QKI: variants seen among roughly 807,000 people sequenced by gnomAD.
The protein encoded by QKI is QKI, KH domain containing RNA binding, also known as KH domain-containing RNA-binding protein QKI.
QKI carries 10 observed loss-of-function variants against 39.0 expected under a neutral mutation model. That is an observed-to-expected ratio of 0.26 (90% CI 0.16 to 0.43). The LOEUF (loss-of-function observed/expected upper bound fraction) is 0.43. QKI is among the 20% of genes least tolerant of loss of function. The pLI is 1.00. For missense variants in QKI, 218 were observed against 428.0 expected (o/e 0.51, Z 4.33); for synonymous variants, 204 against 155.4 (o/e 1.31, Z -2.33).
intron 3 of QKI, among the ~76,000 whole-genome samples, chr6:163,524,699 T>G (rs1036400724): frequency 6.6e-6 from 1 of 152,116 alleles, no homozygotes; most frequent in Non-Finnish European, 1.5e-5. Flanking sequence ...ACTCCCGACC[T>G]CAGGTGATCT....
intron 4 of QKI, among the ~76,000 whole-genome samples, chr6:163,557,964 A>G (rs1236709907): frequency 6.6e-6 from 1 of 152,212 alleles, no homozygotes; most frequent in East Asian, 1.9e-4. Context: ...ATTGCGGATA[A>G]TCACTTGAGT....
At chr6:163,463,431 C>G (rs1376450502) in intron 2 of QKI, among the ~76,000 whole-genome samples, 1 of 152,162 alleles carries the variant, frequency 6.6e-6, no homozygotes, top group Non-Finnish European at 1.5e-5. Context: ...ACACTCAAAA[C>G]ATACTGCAGC....
At chr6:163,428,455 G>A (rs1469516975) in intron 1 of QKI, among the ~76,000 whole-genome samples, 1 of 152,090 alleles carries the variant, frequency 6.6e-6, no homozygotes, top group African/African-American at 2.4e-5. Flanking sequence ...AAGAAAATGT[G>A]TCATAGTTTA....
At chr6:163,421,879 GGATTACA>G (rs1251931576) in intron 1 of QKI, among the ~76,000 whole-genome samples, 2 of 151,760 alleles carry the variant, frequency 1.3e-5, no homozygotes, top group African/African-American at 4.8e-5. Context: ...CGAGTAGCTG[GGATTACA>G]GGCGCCCGCC....
chr6:163,531,756 C>T (rs1420989315), intron 3 of QKI, among the ~76,000 whole-genome samples: 3 of 152,182 alleles, frequency 2.0e-5, no homozygotes, highest in East Asian at 1.9e-4. Context: ...CTTCCTGCCT[C>T]GGCCCCCCCA....
intron 3 of QKI, among the ~76,000 whole-genome samples, chr6:163,496,097 AT>A (rs1778388148): frequency 6.6e-6 from 1 of 152,138 alleles, no homozygotes; most frequent in African/African-American, 2.4e-5. Flanking sequence ...ATTGTCTGAC[AT>A]TTCTAATAGG....
intron 4 of QKI, among the ~76,000 whole-genome samples, chr6:163,555,679 A>G (rs1305547196): frequency 6.6e-6 from 1 of 152,138 alleles, no homozygotes; most frequent in African/African-American, 2.4e-5. Context: ...TTTGCAAGCA[A>G]GGTTGCTCAT....
At position 163,576,670 on chromosome 6, in the gene QKI, A is replaced by G. The variant is rs1177190032; in HGVS notation, c.*5960A>G. The G allele has an allele frequency of 6.6e-6, 1 of 152,158 alleles. No individual in the cohort carries two copies. Among genetic ancestry groups the G allele is most frequent in the Non-Finnish European group, 1.5e-5 (1 of 68,020 alleles). The allele number at this position is 152,158 out of a possible 1,614,324, so 9.4% of individuals were successfully genotyped here. A position where few individuals can be genotyped will look rare whatever the true frequency, so the allele number is the denominator to read the frequency against. On this transcript the variant is annotated 3_prime_UTR_variant, in exon 8 of 8. Coordinates refer to ENST00000361752, the MANE Select transcript of QKI (RefSeq NM_006775.3). The stretch of plus-strand genomic sequence containing the variant: ...CATGAAATGCAATAAACCAACTGGA[A>G]AAAGTGCATGTGCTTCATCCTCTCA...
rs1350295454 is a variant in QKI at position 163,574,711 on chromosome 6, C to G, written c.*4001C>G. On this transcript the variant is annotated 3_prime_UTR_variant, in exon 8 of 8. Coordinates refer to ENST00000361752, the MANE Select transcript of QKI (RefSeq NM_006775.3). ...TAATTATGAATTATTTAGTTTAACTCAAGGTGCATTTTTATTTCACAGATT... is the reference window on the plus strand; with the variant it reads ...TAATTATGAATTATTTAGTTTAACTGAAGGTGCATTTTTATTTCACAGATT... The G allele has an allele frequency of 2.0e-5, 3 of 152,124 alleles. No individual in the cohort carries two copies. The highest frequency in any genetic ancestry group is 7.2e-5 in the African/African-American group (3 of 41,424). The allele number at this position is 152,124 out of a possible 1,614,324, so 9.4% of individuals were successfully genotyped here.
At chr6:163,446,953 G>C (rs549346225) in intron 1 of QKI, among the ~76,000 whole-genome samples, 20 of 152,106 alleles carry the variant, frequency 1.3e-4, no homozygotes, top group Non-Finnish European at 2.5e-4. Flanking sequence ...TGAAAGAAAA[G>C]GGCTAAAAAG....
rs60899517 is a variant in QKI, at chr6:163,436,789, CAAAA to C, written c.143-18469_143-18466del. Among the ~76,000 whole-genome samples the C allele has an allele frequency of 6.8e-3, 612 of 89,430 alleles. 2 individuals are homozygous for C. Among genetic ancestry groups the C allele is most frequent in the African/African-American group, 0.025 (560 of 22,596 alleles). 58.7% of individuals were successfully genotyped at this position (89,430 alleles called of 152,430 possible). On this transcript the variant is annotated intron_variant, in intron 1 of 7. Coordinates refer to ENST00000361752, the MANE Select transcript of QKI (RefSeq NM_006775.3). ...TGGGCGACAGAGCGAGACTCCGTCT[CAAAA>C]AAAAAAAAAAAAAAAAAAAAGGGAA...
Position 163,455,317 on chromosome 6 carries a change from T to C in QKI, c.181T>C (p.Leu61=). The C allele has an allele frequency of 6.2e-7, 1 of 1,613,398 alleles. No homozygotes were observed. Among genetic ancestry groups the C allele is most frequent in the Non-Finnish European group, 8.5e-7 (1 of 1,179,506 alleles). The change falls in exon 2 of 8, where the codon TTA becomes CTA. Residue 61 remains leucine (L), a synonymous_variant. Coordinates refer to ENST00000361752, the MANE Select transcript of QKI (RefSeq NM_006775.3). ...RVRKDMYNDT[L]NGSTEKRSAE... ...ACGGAAAGACATGTACAATGACACA[T>C]TAAATGGCAGTACAGAGAAAAGGAG...
At chr6:163,440,064 C>T (rs911806670) in intron 1 of QKI, among the ~76,000 whole-genome samples, 2 of 152,086 alleles carry the variant, frequency 1.3e-5, no homozygotes, top group African/African-American at 2.4e-5. Flanking sequence ...CATTTCCTTT[C>T]CCCCCTCATT....
At chr6:163,415,804 C>A in intron 1 of QKI, 2 of 438,708 alleles carry the variant, frequency 4.6e-6, no homozygotes, top group Non-Finnish European at 9.1e-6. Flanking sequence ...GGACCCCCAC[C>A]GCCCCGCGTT....
intron 3 of QKI, among the ~76,000 whole-genome samples, chr6:163,517,906 G>A (rs1163270691): frequency 6.6e-6 from 1 of 152,124 alleles, no homozygotes; most frequent in Non-Finnish European, 1.5e-5. Flanking sequence ...TTTCTAGAAG[G>A]TTAAGGTAAA....
chr6:163,451,279 T>G (rs550579169), intron 1 of QKI, among the ~76,000 whole-genome samples: 2 of 152,322 alleles, frequency 1.3e-5, no homozygotes, highest in African/African-American at 2.4e-5. Context: ...TGATTATGGA[T>G]GGGGCAGAGT....
chr6:163,431,831 TAA>T (rs34131160), intron 1 of QKI, among the ~76,000 whole-genome samples: 7,628 of 140,748 alleles, frequency 0.054, 269 homozygotes, highest in African/African-American at 0.097. Context: ...CTGTTCTTAT[TAA>T]AAAAAAAAAA....
At chr6:163,422,807 G>A (rs1056120034) in intron 1 of QKI, among the ~76,000 whole-genome samples, 1 of 152,128 alleles carries the variant, frequency 6.6e-6, no homozygotes, top group Non-Finnish European at 1.5e-5. Flanking sequence ...TAAGCACCTC[G>A]CTTTTGCTTT....
chr6:163,459,649 A>C (rs145580285), intron 2 of QKI, among the ~76,000 whole-genome samples: 1 of 152,310 alleles, frequency 6.6e-6, no homozygotes, highest in East Asian at 1.9e-4. Flanking sequence ...ATGAAGTTAT[A>C]AGGTTCACTT....
Sources: allele counts gnomAD v4.1 joint callset (sites outside exome capture counted in the v4.1 genomes callset), GRCh38; gene constraint gnomAD v4.1.1; transcripts MANE v1.5; gene names NCBI Gene and HGNC (gene_info 2026-07-23, HGNC 2026-07-21).